CACNG7: variants seen among roughly 807,000 people sequenced by gnomAD.
CACNG7 encodes the protein calcium voltage-gated channel auxiliary subunit gamma 7, also known as voltage-dependent calcium channel gamma-7 subunit.
In CACNG7, 9 loss-of-function variants were observed where a neutral mutation model predicts 26.3. That is an observed-to-expected ratio of 0.34 (90% CI 0.21 to 0.60). The LOEUF (loss-of-function observed/expected upper bound fraction) is 0.60, where lower values mean the gene tolerates loss of function less well. Among genes scored for constraint, CACNG7 ranks in the 20% least tolerant of loss-of-function variants. The pLI is 0.81. For synonymous variants in CACNG7, 170 were observed against 157.0 expected, an observed-to-expected ratio of 1.08 and a Z score of -0.62; for missense variants, 297 against 380.4, an observed-to-expected ratio of 0.78 and a Z score of 1.82.
intron 4 of CACNG7, among the ~76,000 whole-genome samples, chr19:53,920,374 G>C (rs1328343525): frequency 3.6e-5 from 4 of 110,242 alleles, no homozygotes; most frequent in African/African-American, 9.4e-5. Context: ...CATTGGTGGA[G>C]TTGCCTCAGG....
chr19:53,942,285 C>T lies in CACNG7; in HGVS notation c.820C>T (p.Pro274Ser). 1.9e-6 allele frequency: 3 copies of T among 1,610,406 alleles called. No homozygotes were observed. The highest frequency in any genetic ancestry group is 2.5e-6 in the Non-Finnish European group (3 of 1,178,680). Residue 274 changes from proline (P) to serine (S), a missense_variant, in exon 6 of 6, where the codon CCC (proline) becomes TCC (serine). Pro to Ser is a moderately conservative substitution (Grantham distance 74). Coordinates refer to ENST00000391767, the MANE Select transcript of CACNG7 (RefSeq NM_031896.5). The surrounding 1 kb of genome is among the most constrained non-coding windows in gnomAD (Gnocchi z 5.9). ...YPDHLHISTS[P>S]C ...GGACCACCTGCACATCTCCACCTCG[C>T]CCTGCTGAGGCCCGCCCCTCGGAGC... is the stretch of plus-strand genomic sequence containing the variant.
intron 4 of CACNG7, among the ~76,000 whole-genome samples, chr19:53,935,783 G>A (rs2069101629): frequency 1.3e-5 from 2 of 151,492 alleles, no homozygotes; most frequent in South Asian, 4.2e-4. Context: ...TGGGATTACA[G>A]GCACCCACCA....
At position 53,912,856 on chromosome 19, in the gene CACNG7, C is replaced by T; in HGVS notation, c.25C>T (p.Leu9=). 1 of 1,613,482 alleles carries T rather than the reference C, an allele frequency of 6.2e-7. No homozygotes were observed. Among genetic ancestry groups the T allele is most frequent in the Non-Finnish European group, 8.5e-7 (1 of 1,180,028 alleles). Residue 9 remains leucine, a synonymous_variant, in exon 2 of 6, where the codon CTG becomes TTG. Transcript: ENST00000391767. The surrounding 1 kb of genome is among the most constrained non-coding windows in gnomAD (Gnocchi z 4.6). ...GATGAGTCACTGCAGCAGCCGCGCCCTGACCCTGCTGAGCAGCGTGTTTGG... is the reference window on the plus strand; with the variant it reads ...GATGAGTCACTGCAGCAGCCGCGCCTTGACCCTGCTGAGCAGCGTGTTTGG... MSHCSSRA[L]TLLSSVFGAC...
chr19:53,918,538 G>C, intron 4 of CACNG7, among the ~76,000 whole-genome samples: 1 of 152,028 alleles, frequency 6.6e-6, no homozygotes, highest in South Asian at 2.1e-4. Flanking sequence ...TACAAAAGCA[G>C]GCAATGGGCC....
chr19:53,915,165 G>A (rs1187919602), intron 3 of CACNG7, among the ~76,000 whole-genome samples, 200 bp from the exon 4 acceptor site: 4 of 152,026 alleles, frequency 2.6e-5, no homozygotes, highest in African/African-American at 7.2e-5. Context: ...TGTGGCCTGT[G>A]TGAGGGGGCG....
intron 4 of CACNG7, among the ~76,000 whole-genome samples, chr19:53,933,356 G>C (rs867639265): frequency 6.9e-6 from 1 of 145,248 alleles, no homozygotes; most frequent in South Asian, 2.2e-4. Flanking sequence ...CTGGAGTGCA[G>C]TGGTGCGGTC....
intron 4 of CACNG7, among the ~76,000 whole-genome samples, chr19:53,935,012 T>A (rs901322808): frequency 6.6e-6 from 1 of 151,966 alleles, no homozygotes; most frequent in Non-Finnish European, 1.5e-5. Flanking sequence ...TATATATAGA[T>A]CTATATACAC....
intron 4 of CACNG7, among the ~76,000 whole-genome samples, chr19:53,923,701 G>A (rs1389922009): frequency 7.0e-6 from 1 of 143,754 alleles, no homozygotes; most frequent in Non-Finnish European, 1.5e-5. Flanking sequence ...CTGGTCATTG[G>A]TGGAGTTGTC....
At chr19:53,930,612 A>T (rs1314706582) in intron 4 of CACNG7, among the ~76,000 whole-genome samples, 1 of 151,990 alleles carries the variant, frequency 6.6e-6, no homozygotes, top group South Asian at 2.1e-4. Flanking sequence ...TGACCTCATG[A>T]TCTGCCCACC....
intron 4 of CACNG7, among the ~76,000 whole-genome samples, chr19:53,918,405 T>C (rs2068912047): frequency 6.6e-6 from 1 of 152,202 alleles, no homozygotes; most frequent in African/African-American, 2.4e-5. Context: ...CAGTGACTAT[T>C]TGTGGACTCT....
At chr19:53,925,859 G>T (rs1413808857) in intron 4 of CACNG7, among the ~76,000 whole-genome samples, 1 of 152,222 alleles carries the variant, frequency 6.6e-6, no homozygotes, top group Non-Finnish European at 1.5e-5. Context: ...CCATGTGAGA[G>T]AGGGATATTG....
At chr19:53,913,309 A>G (rs939711742) in intron 2 of CACNG7, among the ~76,000 whole-genome samples, 14 of 151,448 alleles carry the variant, frequency 9.2e-5, no homozygotes, top group African/African-American at 3.4e-4. Context: ...TCAGTGCTGA[A>G]TGGGCAAGAT....
At chr19:53,919,642 G>GC (rs2068923805) in intron 4 of CACNG7, among the ~76,000 whole-genome samples, 1 of 128,572 alleles carries the variant, frequency 7.8e-6, no homozygotes, top group African/African-American at 3.1e-5. Flanking sequence ...CTTGCCCCAG[G>GC]CTGGTCATTG....
intron 2 of CACNG7, among the ~76,000 whole-genome samples, chr19:53,914,290 A>AAAAAAAAAAAAAAAAG (rs2068880644): frequency 2.0e-5 from 2 of 101,668 alleles, no homozygotes; most frequent in Admixed American, 9.5e-5. Context: ...AAAAAAAAGA[A>AAAAAAAAAAAAAAAAG]AAAAAGAAAA....
intron 4 of CACNG7, among the ~76,000 whole-genome samples, chr19:53,923,690 C>CCTGGTCATTGGTGGAGTTGTCCCAGGT (rs1568776589): frequency 1.8e-5 from 1 of 55,228 alleles, no homozygotes; most frequent in Non-Finnish European, 3.1e-5. Context: ...TTGTCCCAGG[C>CCTGGTCATTGGTGGAGTTGTCCCAGGT]CTGGTCATTG....
At chr19:53,917,824 G>A (rs116124626) in intron 4 of CACNG7, among the ~76,000 whole-genome samples, 2,000 of 152,208 alleles carry the variant, frequency 0.013, 42 homozygotes, top group African/African-American at 0.045. Flanking sequence ...ACAGAGGCTC[G>A]AAGAGGCGAC....
Position 53,930,950 on chromosome 19 carries a change from C to A in CACNG7, c.425-10520C>A, listed in dbSNP as rs536633080. On this transcript the variant is annotated intron_variant, in intron 4 of 5. Coordinates refer to ENST00000391767, the MANE Select transcript of CACNG7 (RefSeq NM_031896.5). ...CTAAGGGTCGGGTGCTGTGGCCTCA[C>A]TTTGGGAGGCCGAGGTGGGCACATT... is the stretch of plus-strand genomic sequence containing the variant. Among the ~76,000 whole-genome samples, 9 of 152,264 alleles carry A rather than the reference C, an allele frequency of 5.9e-5. No homozygotes were observed. In the East Asian group the frequency reaches 1.7e-3, roughly 29 times the overall value.
chr19:53,939,093 C>T lies in CACNG7; in HGVS notation c.425-2377C>T, dbSNP rs2145920246. Among the ~76,000 whole-genome samples, 1 of 152,252 alleles carries T rather than the reference C, an allele frequency of 6.6e-6. No homozygotes were observed. Among genetic ancestry groups the T allele is most frequent in the East Asian group, 1.9e-4 (1 of 5,176 alleles). ...TCAACATTGTGAAGCCCTGTCTCTACTAAAAATACAAAAATTAGCCAGGCA... is the reference window on the plus strand; with the variant it reads ...TCAACATTGTGAAGCCCTGTCTCTATTAAAAATACAAAAATTAGCCAGGCA... On this transcript the variant is annotated intron_variant, in intron 4 of 5. Coordinates refer to ENST00000391767, the MANE Select transcript of CACNG7 (RefSeq NM_031896.5). The surrounding 1 kb of genome is among the most constrained non-coding windows in gnomAD (Gnocchi z 4.2).
chr19:53,928,920 C>T (rs1407840828), intron 4 of CACNG7, among the ~76,000 whole-genome samples: 1 of 151,868 alleles, frequency 6.6e-6, no homozygotes, highest in Non-Finnish European at 1.5e-5. Flanking sequence ...ACCAGCCTGG[C>T]CAACATGGTG....
Sources: gnomAD v4.1 joint callset for allele counts (sites outside exome capture counted in the v4.1 genomes callset) on GRCh38, gnomAD v4.1.1 for gene constraint, Gnocchi (gnomAD v3.1) non-coding constraint, MANE v1.5 for transcripts, NCBI Gene and HGNC (gene_info 2026-07-23, HGNC 2026-07-21) for gene names.